CNTNAP5: variants seen among roughly 807,000 people sequenced by gnomAD.
CNTNAP5 encodes contactin associated protein family member 5, also known as contactin-associated protein-like 5.
In CNTNAP5, 72 loss-of-function variants were observed where a neutral mutation model predicts 150.2. That is an observed-to-expected ratio of 0.48 (90% CI 0.40 to 0.58). The LOEUF is 0.58. Among genes scored for constraint, CNTNAP5 ranks in the 20% least tolerant of loss-of-function variants. CNTNAP5 has a pLI of 0.00. For missense variants in CNTNAP5, 1,636 were observed against 1,626.2 expected, an observed-to-expected ratio of 1.01 and a Z score of -0.10; for synonymous variants, 672 against 619.8, an observed-to-expected ratio of 1.08 and a Z score of -1.25.
chr2:124,205,432 TTTTG>T (rs1685837614), intron 1 of CNTNAP5, among the ~76,000 whole-genome samples: 1 of 151,640 alleles, frequency 6.6e-6, no homozygotes, highest in South Asian at 2.1e-4. Context: ...TTTTTTTTTT[TTTTG>T]GAAATGGAGT....
chr2:124,256,748 A>ATG (rs1687326420), intron 3 of CNTNAP5, among the ~76,000 whole-genome samples: 1 of 152,182 alleles, frequency 6.6e-6, no homozygotes, highest in African/African-American at 2.4e-5. Flanking sequence ...ATGGAAGTGT[A>ATG]TGTAAGAGCT....
intron 8 of CNTNAP5, among the ~76,000 whole-genome samples, chr2:124,510,083 C>A (rs1480675505): frequency 6.6e-6 from 1 of 151,624 alleles, no homozygotes; most frequent in Non-Finnish European, 1.5e-5. Context: ...TGCCTGTAAT[C>A]CCAGCTACTT....
At chr2:124,490,598 A>G (rs1044496835) in intron 7 of CNTNAP5, among the ~76,000 whole-genome samples, 1 of 152,168 alleles carries the variant, frequency 6.6e-6, no homozygotes, top group Non-Finnish European at 1.5e-5. Flanking sequence ...AACTATCATT[A>G]CTATTATAAT....
chr2:124,450,967 G>A (rs970282762), intron 6 of CNTNAP5, among the ~76,000 whole-genome samples: 2 of 143,044 alleles, frequency 1.4e-5, no homozygotes, highest in African/African-American at 5.2e-5. Flanking sequence ...GTTTGAGGCT[G>A]CAGTGAGCTA....
intron 13 of CNTNAP5, among the ~76,000 whole-genome samples, chr2:124,670,392 G>T (rs1678797167): frequency 6.6e-6 from 1 of 151,942 alleles, no homozygotes; most frequent in Admixed American, 6.6e-5. Context: ...TGTCTACTCA[G>T]CTCCTTTGAC....
rs117105442 is a variant in CNTNAP5, at chr2:124,030,106, C to T, written c.82+4374C>T. Among the ~76,000 whole-genome samples, 801 of 152,088 alleles carry T rather than the reference C, an allele frequency of 5.3e-3. 7 individuals carry two copies. Among genetic ancestry groups the T allele is most frequent in the South Asian group, 0.028 (136 of 4,818 alleles). ...ACCCCAATGATCTTGCTGTATGCAA[C>T]GAAGAAAATGGATTAGATCATTATT... is the stretch of plus-strand genomic sequence containing the variant. On this transcript the variant is annotated intron_variant, in intron 1 of 23. Transcript: ENST00000682447.
chr2:124,072,278 T>TG (rs954849417), intron 1 of CNTNAP5, among the ~76,000 whole-genome samples: 2 of 134,278 alleles, frequency 1.5e-5, no homozygotes, highest in African/African-American at 5.4e-5. Context: ...TACTGAATAA[T>TG]GGAAAAAAAA....
chr2:124,158,937 C>G (rs557473142), intron 1 of CNTNAP5, among the ~76,000 whole-genome samples: 16 of 152,218 alleles, frequency 1.1e-4, no homozygotes, highest in African/African-American at 3.9e-4. Flanking sequence ...AAGATGCCCT[C>G]GACACCCACA....
chr2:124,851,286 G>T (rs1035769282), intron 19 of CNTNAP5, among the ~76,000 whole-genome samples: 4 of 152,134 alleles, frequency 2.6e-5, no homozygotes, highest in Non-Finnish European at 5.9e-5. Flanking sequence ...AACCCTGGAG[G>T]CAGAGGCTAC....
chr2:124,164,749 C>T (rs534204965), intron 1 of CNTNAP5, among the ~76,000 whole-genome samples: 91 of 152,256 alleles, frequency 6.0e-4, no homozygotes, highest in South Asian at 1.5e-3. Context: ...GGATTTCATT[C>T]TAAGCATAAT....
At chr2:124,857,769 G>C (rs181083218) in intron 19 of CNTNAP5, among the ~76,000 whole-genome samples, 13 of 152,192 alleles carry the variant, frequency 8.5e-5, no homozygotes, top group African/African-American at 3.1e-4. Context: ...AGAGGTTGCA[G>C]TGAGCTGAGA....
intron 3 of CNTNAP5, among the ~76,000 whole-genome samples, chr2:124,416,359 CT>C (rs35184768): frequency 0.05 from 7,266 of 146,032 alleles, 197 homozygotes; most frequent in Non-Finnish European, 0.054. Flanking sequence ...TGGATTTCCT[CT>C]TTTTTTTTTT....
At chr2:124,200,984 C>G (rs547913992) in intron 1 of CNTNAP5, among the ~76,000 whole-genome samples, 30 of 152,360 alleles carry the variant, frequency 2.0e-4, no homozygotes, top group African/African-American at 7.2e-4. Flanking sequence ...GTCAATATTT[C>G]TCTGGGGATC....
At chr2:124,902,850 T>G (rs1678441299) in intron 21 of CNTNAP5, 32 bp from the exon 22 acceptor site, 3 of 1,521,010 alleles carry the variant, frequency 2.0e-6, no homozygotes, top group Admixed American at 1.9e-5. Context: ...ACAAAAAAAG[T>G]AAAGGACTTC....
At chr2:124,576,519 C>T (rs1279916355) in intron 11 of CNTNAP5, among the ~76,000 whole-genome samples, 1 of 152,180 alleles carries the variant, frequency 6.6e-6, no homozygotes, top group East Asian at 1.9e-4. Flanking sequence ...AGAGGAGAAG[C>T]TGGGCTCTCT....
chr2:124,880,089 G>T (rs1337212740), intron 21 of CNTNAP5, among the ~76,000 whole-genome samples: 1 of 152,086 alleles, frequency 6.6e-6, no homozygotes, highest in Non-Finnish European at 1.5e-5. Flanking sequence ...AGTCTACCAA[G>T]ATTTTATTTT....
chr2:124,706,090 A>C (rs1679630977), intron 13 of CNTNAP5, among the ~76,000 whole-genome samples: 1 of 152,204 alleles, frequency 6.6e-6, no homozygotes. Flanking sequence ...TGACCTTGGC[A>C]CTAGAGAATT....
intron 10 of CNTNAP5, among the ~76,000 whole-genome samples, chr2:124,548,883 A>G (rs2104914540): frequency 6.6e-6 from 1 of 152,258 alleles, no homozygotes; most frequent in Middle Eastern, 3.4e-3. Flanking sequence ...AAACTGGAGG[A>G]ACTGGAATTA....
chr2:124,810,978 A>G (rs1682204407), intron 19 of CNTNAP5, among the ~76,000 whole-genome samples: 2 of 152,156 alleles, frequency 1.3e-5, no homozygotes, highest in East Asian at 1.9e-4. Context: ...AACCAAATCT[A>G]TAGGCGTAGA....
Sources: gnomAD v4.1 joint callset for allele counts (sites outside exome capture counted in the v4.1 genomes callset) on GRCh38, gnomAD v4.1.1 for gene constraint, MANE v1.5 for transcripts, NCBI Gene and HGNC (gene_info 2026-07-23, HGNC 2026-07-21) for gene names.